SLC25A51: variants seen among roughly 807,000 people sequenced by gnomAD.
SLC25A51 encodes mitochondrial nicotinamide adenine dinucleotide transporter SLC25A51.
SLC25A51 carries 11 observed loss-of-function variants against 19.1 expected under a neutral mutation model. That is an observed-to-expected ratio of 0.58 (90% CI 0.36 to 0.96). SLC25A51 has a LOEUF of 0.96. Ranked by LOEUF, SLC25A51 falls within the 40% of genes least tolerant of loss-of-function variation. The pLI, the probability that SLC25A51 is intolerant of heterozygous loss-of-function variation, is 0.01. For synonymous variants in SLC25A51, 105 were observed against 133.6 expected (o/e 0.79, Z 1.47); for missense variants, 201 against 365.4 (o/e 0.55, Z 3.67).
intron 1 of SLC25A51, among the ~76,000 whole-genome samples, chr9:37,902,569 T>C (rs562639682): frequency 6.6e-6 from 1 of 152,244 alleles, no homozygotes; most frequent in Non-Finnish European, 1.5e-5. Context: ...GTTTAGACTT[T>C]TGCATGTTTA....
At chr9:37,888,651 T>G in intron 2 of SLC25A51, 59 bp from the exon 3 acceptor site, 2 of 1,325,022 alleles carry the variant, frequency 1.5e-6, no homozygotes, top group East Asian at 2.3e-5. Flanking sequence ...ACACATGGGC[T>G]TTCTCCCTAA....
chr9:37,891,665 G>T lies in SLC25A51; in HGVS notation c.-42-3073C>A, dbSNP rs1013033761. 5.9e-5 allele frequency among the ~76,000 whole-genome samples: 9 copies of T among 152,100 alleles called. No homozygotes were observed. The South Asian group carries it at 1.7e-3, about 28-fold the overall frequency. ...ACAGATGCTTGAAGGCAGCATGCTCGTTAAGAGTCATCACCACTCCCTAAT... is the reference window on the plus strand; with the variant it reads ...ACAGATGCTTGAAGGCAGCATGCTCTTTAAGAGTCATCACCACTCCCTAAT... On this transcript the variant is annotated intron_variant, in intron 2 of 2. Transcript: ENST00000242275.
intron 2 of SLC25A51, among the ~76,000 whole-genome samples, chr9:37,890,601 GAGA>G (rs2118329779): frequency 6.6e-6 from 1 of 151,730 alleles, no homozygotes; most frequent in Admixed American, 6.6e-5. Flanking sequence ...AAGGTGGAGG[GAGA>G]AGGACCTCTT....
intron 2 of SLC25A51, among the ~76,000 whole-genome samples, chr9:37,894,181 T>C (rs1200855064): frequency 6.6e-6 from 1 of 152,196 alleles, no homozygotes; most frequent in Non-Finnish European, 1.5e-5. Context: ...TTTGTATTAT[T>C]AAGGTTTGGA....
chr9:37,891,864 AATT>A (rs1430721445), intron 2 of SLC25A51, among the ~76,000 whole-genome samples: 19 of 144,876 alleles, frequency 1.3e-4, no homozygotes, highest in African/African-American at 4.8e-4. Context: ...AAAAAAAAAA[AATT>A]TTATATATAT....
intron 2 of SLC25A51, among the ~76,000 whole-genome samples, chr9:37,896,199 T>C (rs1468000463): frequency 1.3e-5 from 2 of 152,202 alleles, no homozygotes; most frequent in African/African-American, 2.4e-5. Context: ...CACTGATGAC[T>C]GAACTTTGTT....
At chr9:37,894,331 T>A (rs960873935) in intron 2 of SLC25A51, among the ~76,000 whole-genome samples, 1 of 143,298 alleles carries the variant, frequency 7.0e-6, no homozygotes, top group Non-Finnish European at 1.6e-5. Flanking sequence ...TTTTTTAACT[T>A]TTTTTTTTTT....
At chr9:37,884,985 G>A (rs1027879235), downstream of SLC25A51, among the ~76,000 whole-genome samples, 1 of 152,232 alleles carries the variant, frequency 6.6e-6, no homozygotes, top group East Asian at 1.9e-4. Flanking sequence ...CTATCCAATA[G>A]GTGCTTAGTT....
At chr9:37,902,025 A>C (rs1831859103) in intron 1 of SLC25A51, among the ~76,000 whole-genome samples, 1 of 152,246 alleles carries the variant, frequency 6.6e-6, no homozygotes. Flanking sequence ...ATTAATGTAC[A>C]TGATTACATG....
intron 2 of SLC25A51, among the ~76,000 whole-genome samples, chr9:37,894,329 C>CTT (rs545485331): frequency 3.5e-5 from 5 of 141,948 alleles, no homozygotes; most frequent in Non-Finnish European, 3.1e-5. Flanking sequence ...TTTTTTTTAA[C>CTT]TTTTTTTTTT....
At chr9:37,889,796 T>C (rs1280182294) in intron 2 of SLC25A51, among the ~76,000 whole-genome samples, 1 of 150,354 alleles carries the variant, frequency 6.7e-6, no homozygotes, top group Non-Finnish European at 1.5e-5. Flanking sequence ...ATACACCTCC[T>C]TCTGTAAAAT....
intron 2 of SLC25A51, among the ~76,000 whole-genome samples, chr9:37,898,165 C>A (rs1030770396): frequency 2.0e-5 from 3 of 152,246 alleles, no homozygotes; most frequent in Non-Finnish European, 4.4e-5. Context: ...AATCCCAGCA[C>A]TCTGGGAGGC....
chr9:37,885,138 T>C (rs1831419487), downstream of SLC25A51, among the ~76,000 whole-genome samples: 1 of 152,020 alleles, frequency 6.6e-6, no homozygotes, highest in Non-Finnish European at 1.5e-5. Context: ...AAGCAAGCAA[T>C]GGAGTAACAA....
exon 4 of SLC25A51, chr9:37,880,496 A>G (rs1057269270): frequency 1.3e-5 from 2 of 152,188 alleles, no homozygotes; most frequent in Non-Finnish European, 2.9e-5. Flanking sequence ...CACGCCTATA[A>G]TCCCAGCACT....
In SLC25A51 at chr9:37,889,756, T is replaced by C. The variant is rs41436845; in HGVS notation, c.-42-1164A>G. Among the ~76,000 whole-genome samples the C allele has an allele frequency of 1.9e-3, 288 of 148,024 alleles. 2 individuals are homozygous for C. The highest frequency in any genetic ancestry group is 0.017 in the Middle Eastern group (5 of 294). ...CTATACTAGATACTGCTGAAAATGATTGGAACTAAGCCAAAGTTCCACCCC... is the reference window on the plus strand; with the variant it reads ...CTATACTAGATACTGCTGAAAATGACTGGAACTAAGCCAAAGTTCCACCCC... On this transcript the variant is annotated intron_variant, in intron 2 of 2. Transcript: ENST00000242275.
At position 37,888,042 on chromosome 9, in the gene SLC25A51, C is replaced by A. The variant is rs1831501610; in HGVS notation, c.509G>T (p.Gly170Val). ...GGGCACCAAGCCTCGATAATACTCT[C>A]CAATTCCATGACATTTCAGTGCCTT... ...AFKALKCHGI[G>V]EYYRGLVPIL... is the part of the protein sequence containing the mutation. Residue 170 changes from glycine (G) to valine (V), a missense_variant, in exon 3 of 3, where the codon GGA becomes GTA. Gly to Val is a moderately radical substitution (Grantham distance 109, BLOSUM62 -3). Transcript: ENST00000242275. 1 of 1,613,224 alleles carries A rather than the reference C, an allele frequency of 6.2e-7. No homozygotes were observed. The highest frequency in any genetic ancestry group is 8.5e-7 in the Non-Finnish European group (1 of 1,179,880).
At chr9:37,877,923 G>A (rs546309169), downstream of SLC25A51, among the ~76,000 whole-genome samples, 109 of 152,278 alleles carry the variant, frequency 7.2e-4, no homozygotes, top group Non-Finnish European at 1.0e-3. Flanking sequence ...TGGGAGGATC[G>A]CTTGAGCCTG....
At chr9:37,879,224 G>A, downstream of SLC25A51, 1 of 271,344 alleles carries the variant, frequency 3.7e-6, no homozygotes, top group Non-Finnish European at 7.7e-6. Flanking sequence ...GCAGGCAGAA[G>A]CAATGGTTTG....
At chr9:37,885,826 G>C, downstream of SLC25A51, 3 of 1,605,856 alleles carry the variant, frequency 1.9e-6, 1 homozygote, top group South Asian at 3.3e-5. Flanking sequence ...TTGGATATTC[G>C]CATGGGCCTA....
Sources: allele counts gnomAD v4.1 joint callset (sites outside exome capture counted in the v4.1 genomes callset), GRCh38; gene constraint gnomAD v4.1.1; transcripts MANE v1.5; gene names NCBI Gene and HGNC (gene_info 2026-07-23, HGNC 2026-07-21).